The following SEMA5B variants were observed in gnomAD, a reference collection of about 807,000 sequenced individuals.
SEMA5B encodes semaphorin 5B.
Under a neutral mutation model 135.0 loss-of-function variants are expected in SEMA5B, and 66 were observed. That is an observed-to-expected ratio of 0.49 (90% CI 0.40 to 0.60). The LOEUF (loss-of-function observed/expected upper bound fraction) is 0.60, where lower values mean the gene tolerates loss of function less well. Among genes scored for constraint, SEMA5B ranks in the 20% least tolerant of loss-of-function variants. The pLI is 0.00. For missense variants in SEMA5B, 1,501 were observed against 1,566.3 expected, an observed-to-expected ratio of 0.96 and a Z score of 0.70; for synonymous variants, 690 against 639.5, an observed-to-expected ratio of 1.08 and a Z score of -1.19.
chr3:122,998,338 G>T (rs537659591), intron 1 of SEMA5B, among the ~76,000 whole-genome samples: 19 of 151,380 alleles, frequency 1.3e-4, no homozygotes, highest in African/African-American at 4.6e-4. Context: ...CGGAAAGGAC[G>T]GGGCTTTGGG....
intron 7 of SEMA5B, 108 bp downstream of exon 7, chr3:122,928,409 G>T: frequency 1.5e-6 from 1 of 686,906 alleles, no homozygotes; most frequent in South Asian, 2.0e-5. Flanking sequence ...TTTCTGTTTT[G>T]GGTGTCTGTT....
At position 122,910,205 on chromosome 3, in the gene SEMA5B, G is replaced by A. The variant is rs1937619824; in HGVS notation, c.3394C>T (p.Leu1132=). Residue 1132 remains leucine (L), a synonymous_variant, in exon 23 of 23, where the codon CTG becomes TTG. Coordinates refer to ENST00000357599, the MANE Select transcript of SEMA5B (RefSeq NM_001031702.4). ...VYTTTYYPSP[L]NKHSFRPEAS... ...TCGGGCCGGAAGCTGTGTTTGTTCAGGGGGCTTGGGTAGTAAGTAGTCGTG... is the reference window on the plus strand; with the variant it reads ...TCGGGCCGGAAGCTGTGTTTGTTCAAGGGGCTTGGGTAGTAAGTAGTCGTG... The A allele has an allele frequency of 1.2e-6, 2 of 1,614,136 alleles. No homozygotes were observed. The highest frequency in any genetic ancestry group is 1.3e-5 in the African/African-American group (1 of 74,950).
intron 1 of SEMA5B, among the ~76,000 whole-genome samples, chr3:122,964,127 C>A (rs548244490): frequency 9.7e-4 from 148 of 152,226 alleles, no homozygotes; most frequent in Non-Finnish European, 1.7e-3. Flanking sequence ...TCTCCCTTAA[C>A]CTGCTCCTCC....
chr3:122,930,039 G>A (rs1163482752), intron 5 of SEMA5B, among the ~76,000 whole-genome samples: 1 of 152,222 alleles, frequency 6.6e-6, no homozygotes, highest in Non-Finnish European at 1.5e-5. Flanking sequence ...TCCTGGGAGA[G>A]GGAGCCCTGA....
At chr3:122,971,687 T>C (rs1402899776) in intron 1 of SEMA5B, among the ~76,000 whole-genome samples, 1 of 152,266 alleles carries the variant, frequency 6.6e-6, no homozygotes, top group Admixed American at 6.5e-5. Context: ...CACTTATTGC[T>C]GCATGGGTGC....
At chr3:122,939,255 G>A (rs1174512130) in intron 5 of SEMA5B, among the ~76,000 whole-genome samples, 170 bp downstream of exon 5, 2 of 152,188 alleles carry the variant, frequency 1.3e-5, no homozygotes, top group Non-Finnish European at 2.9e-5. Flanking sequence ...CGTACATTGC[G>A]GGCAGTGACT....
intron 2 of SEMA5B, among the ~76,000 whole-genome samples, chr3:122,956,246 G>C (rs935228676): frequency 6.6e-6 from 1 of 152,224 alleles, no homozygotes; most frequent in Non-Finnish European, 1.5e-5. Flanking sequence ...CTTCTCTCAC[G>C]CTGCTGTCCC....
At chr3:122,987,120 G>A (rs1941725580) in intron 1 of SEMA5B, among the ~76,000 whole-genome samples, 1 of 152,174 alleles carries the variant, frequency 6.6e-6, no homozygotes, top group African/African-American at 2.4e-5. Context: ...ACCCCATGGA[G>A]CCAGATGGGC....
rs1247913306 is a variant in SEMA5B at position 122,961,166 on chromosome 3, C to T, written c.98G>A (p.Gly33Glu). ...AQQLRCGWTVGGWLLSLVRGL... is the reference protein window; with the variant it reads ...AQQLRCGWTVEGWLLSLVRGL... ...CCTGACCAGTGAGAGAAGCCAGCCC[C>T]CTACTGTCCATCCACACCTTAGCTG... Residue 33 changes from glycine (G) to glutamate (E), a missense_variant, in exon 2 of 23, where the codon GGG (glycine) becomes GAG (glutamate). Gly to Glu is a moderately conservative substitution (Grantham distance 98). Transcript: ENST00000357599. The T allele has an allele frequency of 6.8e-6, 11 of 1,613,318 alleles. No homozygotes were observed. The highest frequency in any genetic ancestry group is 9.3e-6 in the Non-Finnish European group (11 of 1,179,614).
intron 2 of SEMA5B, among the ~76,000 whole-genome samples, chr3:122,955,313 T>C (rs560217918): frequency 2.0e-4 from 30 of 152,308 alleles, no homozygotes; most frequent in African/African-American, 6.7e-4. Flanking sequence ...CTCACAGCTG[T>C]TGTGGAGATG....
intron 3 of SEMA5B, among the ~76,000 whole-genome samples, chr3:122,945,121 A>C (rs899619492): frequency 6.6e-6 from 1 of 152,182 alleles, no homozygotes; most frequent in Admixed American, 6.5e-5. Context: ...GCAAACATTT[A>C]ATCGCTCCCT....
rs892682861 is a variant in SEMA5B at position 122,912,788 on chromosome 3, G to A, written c.2725+55C>T. On this transcript the variant is annotated intron_variant, in intron 18 of 22. Coordinates refer to ENST00000357599, the MANE Select transcript of SEMA5B (RefSeq NM_001031702.4). ...GGGTAGGCCTGGGGCGGGGAAGGGG[G>A]CCTCCAGGATGACAGGGTTTCGCTA... The A allele has an allele frequency of 5.5e-6, 8 of 1,459,734 alleles. No individual in the cohort carries two copies. The South Asian group carries it at 8.1e-5, about 15-fold the overall frequency. The allele number at this position is 1,459,734 out of a possible 1,614,324, so 90.4% of individuals were successfully genotyped here. A position where few individuals can be genotyped will look rare whatever the true frequency, so the allele number is the denominator to read the frequency against.
chr3:122,988,781 C>A (rs747892114), intron 1 of SEMA5B, among the ~76,000 whole-genome samples: 5 of 152,256 alleles, frequency 3.3e-5, no homozygotes, highest in Non-Finnish European at 7.3e-5. Flanking sequence ...GCTCTCATGC[C>A]CGTGAGGGCT....
At chr3:122,939,586 G>A (rs768546186) in intron 4 of SEMA5B, 116 bp from the exon 5 acceptor site, 91 of 760,938 alleles carry the variant, frequency 1.2e-4, no homozygotes, top group Non-Finnish European at 1.9e-4. Flanking sequence ...ATTGCCTAGG[G>A]TCAACCCCTA....
Position 122,910,906 on chromosome 3 carries a change from G to A in SEMA5B, c.3231C>T (p.Pro1077=), listed in dbSNP as rs1937654765. ...QESTLVHPAT[P]NHLHYKGGGT... ...CTCCGCCCTTGTAGTGCAAATGGTTGGGGGTGGCAGGATGGACCAGTGTGG... is the reference window on the plus strand; with the variant it reads ...CTCCGCCCTTGTAGTGCAAATGGTTAGGGGTGGCAGGATGGACCAGTGTGG... The change falls in exon 22 of 23, where the codon CCC becomes CCT. Residue 1077 remains proline (P), a synonymous_variant. Coordinates refer to ENST00000357599, the MANE Select transcript of SEMA5B (RefSeq NM_001031702.4). 1 of 1,613,752 alleles carries A rather than the reference G, an allele frequency of 6.2e-7. No individual in the cohort carries two copies. The highest frequency in any genetic ancestry group is 8.5e-7 in the Non-Finnish European group (1 of 1,180,010).
chr3:122,961,277 G>C lies in SEMA5B; in HGVS notation c.-14C>G. The C allele has an allele frequency of 6.2e-7, 1 of 1,613,900 alleles. No homozygotes were observed. The highest frequency in any genetic ancestry group is 1.7e-5 in the Admixed American group (1 of 60,012). On this transcript the variant is annotated 5_prime_UTR_variant, in exon 2 of 23. Transcript: ENST00000357599. ...GCCACAGGGCATCCAAGAGACACAGGCCAGGCACCAGCTGGAACCACTCAC... is the reference window on the plus strand; with the variant it reads ...GCCACAGGGCATCCAAGAGACACAGCCCAGGCACCAGCTGGAACCACTCAC...
At chr3:122,996,194 A>G (rs998957530) in intron 1 of SEMA5B, among the ~76,000 whole-genome samples, 3 of 152,210 alleles carry the variant, frequency 2.0e-5, no homozygotes, top group Non-Finnish European at 4.4e-5. Context: ...CACACTCAGC[A>G]TCTACTGGGG....
At chr3:122,969,351 C>A (rs1311442306) in intron 1 of SEMA5B, among the ~76,000 whole-genome samples, 1 of 152,178 alleles carries the variant, frequency 6.6e-6, no homozygotes, top group Non-Finnish European at 1.5e-5. Context: ...GGTGCTCTCT[C>A]CTGGCTGTGG....
chr3:122,926,478 G>T lies in SEMA5B; in HGVS notation c.1050C>A (p.Gly350=), dbSNP rs539416552. Residue 350 remains glycine, a synonymous_variant, in exon 9 of 23, where the codon GGC becomes GGA. Coordinates refer to ENST00000357599, the MANE Select transcript of SEMA5B (RefSeq NM_001031702.4). ...GCTCGTTATAGTAGAAGGGGACCTC[G>T]CCCGGGCGGGAGCAGTTGAGCCGGG... ...MKARLNCSRP[G]EVPFYYNELQ... 110 of 1,614,108 alleles carry T rather than the reference G, an allele frequency of 6.8e-5. No homozygotes were observed. The highest frequency in any genetic ancestry group is 3.3e-4 in the Middle Eastern group (2 of 6,084).
Sources: allele counts gnomAD v4.1 joint callset (sites outside exome capture counted in the v4.1 genomes callset), GRCh38; gene constraint gnomAD v4.1.1; transcripts MANE v1.5; gene names NCBI Gene and HGNC (gene_info 2026-07-23, HGNC 2026-07-21).